Variants in MEGF8 observed in about 807,000 individuals in gnomAD.
MEGF8 encodes multiple epidermal growth factor-like domains protein 8.
In MEGF8, 156 loss-of-function variants were observed where a neutral mutation model predicts 302.9. That is an observed-to-expected ratio of 0.52 (90% CI 0.45 to 0.59). The LOEUF (loss-of-function observed/expected upper bound fraction) is 0.59, where lower values mean the gene tolerates loss of function less well. Ranked by LOEUF, MEGF8 falls within the 20% of genes least tolerant of loss-of-function variation. The probability of loss-of-function intolerance (pLI) is 0.00; values close to 1 mark genes in which losing one functional copy is unlikely to be tolerated. For synonymous variants in MEGF8, 1,621 were observed against 1,660.5 expected, an observed-to-expected ratio of 0.98 and a Z score of 0.58; for missense variants, 3,345 against 3,964.5, an observed-to-expected ratio of 0.84 and a Z score of 4.20.
chr19:42,338,054 C>T (rs1199611714), intron 8 of MEGF8, among the ~76,000 whole-genome samples: 1 of 152,110 alleles, frequency 6.6e-6, no homozygotes, highest in African/African-American at 2.4e-5. Flanking sequence ...GATCCTCCCA[C>T]GTCAGCCTCC....
chr19:42,351,633 C>G lies in MEGF8; in HGVS notation c.2988-15C>G. 2 of 1,590,206 alleles carry G rather than the reference C, an allele frequency of 1.3e-6. No homozygotes were observed. Among genetic ancestry groups the G allele is most frequent in the Non-Finnish European group, 1.7e-6 (2 of 1,168,996 alleles). ...AGGGGCTGGGGCTCTGACCCCCACC[C>G]CTGCCATCCTGCAGTGTACACTCGG... On this transcript the variant is annotated splice_polypyrimidine_tract_variant and intron_variant, in intron 17 of 41. Coordinates refer to ENST00000251268, the MANE Select transcript of MEGF8 (RefSeq NM_001271938.2). This position sits in a 1 kb window ranked among gnomAD's most constrained non-coding sequence, Gnocchi z 5.6.
intron 8 of MEGF8, among the ~76,000 whole-genome samples, chr19:42,339,445 A>G (rs1273521282): frequency 6.6e-6 from 1 of 151,962 alleles, no homozygotes; most frequent in African/African-American, 2.4e-5. Context: ...TGTGGTTTTG[A>G]TTTGCATTTC....
chr19:42,376,121 C>T lies in MEGF8; in HGVS notation c.7884C>T (p.Asn2628=), dbSNP rs576552216. The part of the protein sequence containing the change: ...GVGDPSGPGA[N]GSADSQGLLF... ...GAGACCCAAGTGGGCCCGGCGCCAA[C>T]GGCTCAGCCGACTCGCAGGGCCTGC... is the stretch of plus-strand genomic sequence containing the variant. The change falls in exon 42 of 42, where the codon AAC becomes AAT. Residue 2628 remains asparagine, a synonymous_variant. Transcript: ENST00000251268. This position sits in a 1 kb window ranked among gnomAD's most constrained non-coding sequence, Gnocchi z 8.2. 6.4e-5 allele frequency: 103 copies of T among 1,607,666 alleles called. No individual in the cohort carries two copies. Among genetic ancestry groups the T allele is most frequent in the South Asian group, 4.3e-4 (39 of 91,086 alleles).
chr19:42,376,334 G>A lies in MEGF8; in HGVS notation c.8097G>A (p.Lys2699=), dbSNP rs1461151357. Reference sequence around the variant, plus strand: ...AGATGGCCAGCCGCCCCTTCGCCAAGGTCACCGTCTGCTTCCCACCTGACC... The same window carrying A: ...AGATGGCCAGCCGCCCCTTCGCCAAAGTCACCGTCTGCTTCCCACCTGACC... ...MTKMASRPFA[K]VTVCFPPDPT... The change falls in exon 42 of 42, where the codon AAG becomes AAA. Residue 2699 remains lysine (K), a synonymous_variant. Coordinates refer to ENST00000251268, the MANE Select transcript of MEGF8 (RefSeq NM_001271938.2). This position sits in a 1 kb window ranked among gnomAD's most constrained non-coding sequence, Gnocchi z 8.2. The A allele has an allele frequency of 1.1e-5, 18 of 1,613,550 alleles. No homozygotes were observed. Among genetic ancestry groups the A allele is most frequent in the African/African-American group, 4.0e-5 (3 of 74,930 alleles).
At chr19:42,327,967 C>T (rs1019269580) in intron 1 of MEGF8, among the ~76,000 whole-genome samples, 4 of 152,164 alleles carry the variant, frequency 2.6e-5, no homozygotes, top group East Asian at 1.9e-4. Context: ...TGATGGCGCG[C>T]GCCTGTAGTC....
At chr19:42,338,598 G>T (rs533528144) in intron 8 of MEGF8, among the ~76,000 whole-genome samples, 5 of 152,120 alleles carry the variant, frequency 3.3e-5, no homozygotes, top group African/African-American at 1.2e-4. Context: ...GGCCCCTCAA[G>T]TGTCTGTTGT....
chr19:42,376,626 G>T lies in MEGF8; in HGVS notation c.8389G>T (p.Ala2797Ser). 6.5e-7 allele frequency: 1 copy of T among 1,543,458 alleles called. No homozygotes were observed. ...TGGCGGGCCCCATGCACCCAACGGC[G>T]CCTGCCTGGGGTCAGCCCTCGTCAC... Reference protein sequence around the residue: ...LPGGPHAPNGACLGSALVTLR... With the variant: ...LPGGPHAPNGSCLGSALVTLR... The change falls in exon 42 of 42, where the codon GCC (alanine) becomes TCC (serine). Residue 2797 changes from alanine (A) to serine (S), a missense_variant. Ala to Ser is a moderately conservative substitution (Grantham distance 99). Coordinates refer to ENST00000251268, the MANE Select transcript of MEGF8 (RefSeq NM_001271938.2). The surrounding 1 kb of genome is among the most constrained non-coding windows in gnomAD (Gnocchi z 8.2).
chr19:42,342,510 G>A (rs1441407971), intron 8 of MEGF8, among the ~76,000 whole-genome samples: 5 of 152,094 alleles, frequency 3.3e-5, no homozygotes, highest in Non-Finnish European at 5.9e-5. Flanking sequence ...GGTGGCGGGC[G>A]CCTGTAGTCT....
intron 41 of MEGF8, among the ~76,000 whole-genome samples, chr19:42,371,753 C>T (rs1345603650): frequency 6.6e-6 from 1 of 152,086 alleles, no homozygotes; most frequent in Non-Finnish European, 1.5e-5. Context: ...AAAGGTGGCA[C>T]ATGCCAGAAA....
Position 42,344,878 on chromosome 19 carries a change from TC to T in MEGF8, c.2097+47del, listed in dbSNP as rs776803072. 2.0e-6 allele frequency: 3 copies of T among 1,472,942 alleles called. No individual in the cohort carries two copies. In the South Asian group the frequency reaches 4.3e-5, roughly 21 times the overall value. 91.2% of individuals were successfully genotyped at this position (1,472,942 alleles called of 1,614,324 possible). On this transcript the variant is annotated intron_variant, in intron 12 of 41. Transcript: ENST00000251268. The surrounding 1 kb of genome is among the most constrained non-coding windows in gnomAD (Gnocchi z 4.5). ...CTGGGTGGGGTGTTGATGATCCTGA[TC>T]CTAGGGTTTGTTTTTTCTCAAATGC... is the stretch of plus-strand genomic sequence containing the variant.
intron 35 of MEGF8, among the ~76,000 whole-genome samples, chr19:42,365,772 TA>T (rs771190592): frequency 0.06 from 3,446 of 57,646 alleles, 240 homozygotes; most frequent in African/African-American, 0.2. Context: ...ACCCCGTCTC[TA>T]AAAAAAAAAA....
chr19:42,353,027 C>G lies in MEGF8; in HGVS notation c.3450C>G (p.Pro1150=). 6.4e-7 allele frequency: 1 copy of G among 1,557,478 alleles called. No homozygotes were observed. The highest frequency in any genetic ancestry group is 1.2e-5 in the South Asian group (1 of 84,494). The change falls in exon 20 of 42, where the codon CCC becomes CCG. Residue 1150 remains proline, a synonymous_variant. Transcript: ENST00000251268. This position sits in a 1 kb window ranked among gnomAD's most constrained non-coding sequence, Gnocchi z 6.1. ...CATCAGACCTGCCCCCTCCCACACC[C>G]GCCCCGGGTCCGCCAGCCCCCCGCT... ...GWTSDLPPPT[P]APGPPAPRCS... is the part of the protein sequence containing the mutation.
At position 42,360,907 on chromosome 19, in the gene MEGF8, CT is replaced by C; in HGVS notation, c.5622del (p.Asp1875ThrfsTer168). On this transcript the variant is annotated frameshift_variant, in exon 32 of 42. Transcript: ENST00000251268. LOFTEE classifies it high-confidence loss of function. ...CGCCTGCTGGCACTGACCCTGCCCCCTGACCCCTGCCGCCTGCTGTCCTCAC... is the reference window on the plus strand; with the variant it reads ...CGCCTGCTGGCACTGACCCTGCCCCCGACCCCTGCCGCCTGCTGTCCTCAC... ...LGRLLALTLP[P>X]DPCRLLSSPE... is the part of the protein sequence containing the mutation. 5 of 1,613,062 alleles carry C rather than the reference CT, an allele frequency of 3.1e-6. No individual in the cohort carries two copies. The highest frequency in any genetic ancestry group is 3.4e-6 in the Non-Finnish European group (4 of 1,179,572).
rs2039467829 is a variant in MEGF8 at position 42,357,385 on chromosome 19, T to C, written c.4831-19T>C. ...CTGACCTCTAGCCCCATCGGTGACCTTGCCCCTCCATCCCTCAGGCCCCCC... is the reference window on the plus strand; with the variant it reads ...CTGACCTCTAGCCCCATCGGTGACCCTGCCCCTCCATCCCTCAGGCCCCCC... On this transcript the variant is annotated intron_variant, in intron 27 of 41. Transcript: ENST00000251268. This position sits in a 1 kb window ranked among gnomAD's most constrained non-coding sequence, Gnocchi z 5.2. 2 of 1,610,068 alleles carry C rather than the reference T, an allele frequency of 1.2e-6. No homozygotes were observed. The highest frequency in any genetic ancestry group is 1.7e-6 in the Non-Finnish European group (2 of 1,177,538).
Position 42,353,156 on chromosome 19 carries a change from T to G in MEGF8, c.3550+29T>G, listed in dbSNP as rs1412312666. 3 of 1,510,896 alleles carry G rather than the reference T, an allele frequency of 2.0e-6. No homozygotes were observed. Among genetic ancestry groups the G allele is most frequent in the African/African-American group, 2.8e-5 (2 of 70,902 alleles). The allele number at this position is 1,510,896 out of a possible 1,614,324, so 93.6% of individuals were successfully genotyped here. On this transcript the variant is annotated intron_variant, in intron 20 of 41. Coordinates refer to ENST00000251268, the MANE Select transcript of MEGF8 (RefSeq NM_001271938.2). The surrounding 1 kb of genome is among the most constrained non-coding windows in gnomAD (Gnocchi z 6.1). ...AGCAGCCCTTGTCCTGGGCCCAGCC[T>G]GGACCCAGGGAGCCTCCTCCCTTCT...
intron 1 of MEGF8, 112 bp downstream of exon 1, chr19:42,326,542 A>C: frequency 7.0e-7 from 1 of 1,421,622 alleles, no homozygotes; most frequent in Non-Finnish European, 9.2e-7. Context: ...CTTTTGCTCT[A>C]AAATGCCTGA....
rs550128866 is a variant in MEGF8 at position 42,354,782 on chromosome 19, C to T, written c.4144+62C>T. The T allele has an allele frequency of 7.7e-5, 117 of 1,523,276 alleles. No individual in the cohort carries two copies. In the Middle Eastern group the frequency reaches 1.4e-3, roughly 19 times the overall value. 94.4% of individuals were successfully genotyped at this position (1,523,276 alleles called of 1,614,324 possible). ...GGGCTATGTATCCCTTGCCCCTGAA[C>T]TCACCACCTGAAGTGGGCTCAGGAC... is the stretch of plus-strand genomic sequence containing the variant. On this transcript the variant is annotated intron_variant, in intron 23 of 41. Transcript: ENST00000251268. This position sits in a 1 kb window ranked among gnomAD's most constrained non-coding sequence, Gnocchi z 4.3.
chr19:42,353,051 C>T lies in MEGF8; in HGVS notation c.3474C>T (p.Arg1158=), dbSNP rs1394185505. The stretch of plus-strand genomic sequence containing the variant: ...CCGCCCCGGGTCCGCCAGCCCCCCG[C>T]TGCTCCCGGGACTGTGGCTGCAGCT... ...PTPAPGPPAP[R]CSRDCGCSFH... The change falls in exon 20 of 42, where the codon CGC becomes CGT. Residue 1158 remains arginine (R), a synonymous_variant. Coordinates refer to ENST00000251268, the MANE Select transcript of MEGF8 (RefSeq NM_001271938.2). The surrounding 1 kb of genome is among the most constrained non-coding windows in gnomAD (Gnocchi z 6.1). The T allele has an allele frequency of 6.4e-7, 1 of 1,552,344 alleles. No homozygotes were observed. Among genetic ancestry groups the T allele is most frequent in the African/African-American group, 1.4e-5 (1 of 73,220 alleles).
chr19:42,362,395 C>T lies in MEGF8; in HGVS notation c.5856C>T (p.Pro1952=), dbSNP rs748110110. 1 of 1,613,926 alleles carries T rather than the reference C, an allele frequency of 6.2e-7. No homozygotes were observed. The highest frequency in any genetic ancestry group is 2.2e-5 in the East Asian group (1 of 44,870). Residue 1952 remains proline, a synonymous_variant, in exon 34 of 42, where the codon CCC becomes CCT. Coordinates refer to ENST00000251268, the MANE Select transcript of MEGF8 (RefSeq NM_001271938.2). ...LQPGDGEAST[P]RCKWCTNCPE... ...TCTTCCCTCACCAGGCGTCCACCCC[C>T]CGCTGTAAGTGGTGTACCAACTGCC...
Sources: gnomAD v4.1 joint callset for allele counts (sites outside exome capture counted in the v4.1 genomes callset) on GRCh38, gnomAD v4.1.1 for gene constraint, Gnocchi (gnomAD v3.1) non-coding constraint, MANE v1.5 for transcripts, NCBI Gene and HGNC (gene_info 2026-07-23, HGNC 2026-07-21) for gene names.